Variants in RIN3 observed in about 807,000 individuals in gnomAD.
RIN3 encodes the protein Ras and Rab interactor 3, also known as RAB5 interacting protein 3.
In RIN3, 54 loss-of-function variants were observed where a neutral mutation model predicts 76.3. The observed-to-expected ratio is 0.71, with a 90% CI of 0.57 to 0.89. The LOEUF is 0.89. Among genes scored for constraint, RIN3 ranks in the 40% least tolerant of loss-of-function variants. The probability of loss-of-function intolerance (pLI) is 0.00; values close to 1 mark genes in which losing one functional copy is unlikely to be tolerated. For synonymous variants in RIN3, 576 were observed against 564.0 expected (o/e 1.02, Z -0.30); for missense variants, 1,256 against 1,322.1 (o/e 0.95, Z 0.78).
At chr14:92,616,349 C>T (rs1015038366) in intron 4 of RIN3, among the ~76,000 whole-genome samples, 1 of 152,188 alleles carries the variant, frequency 6.6e-6, no homozygotes, top group African/African-American at 2.4e-5. Context: ...ATATTAAATA[C>T]CCTCTAGAGG....
At chr14:92,658,306 C>T (rs1469809291) in intron 6 of RIN3, among the ~76,000 whole-genome samples, 2 of 152,206 alleles carry the variant, frequency 1.3e-5, no homozygotes, top group East Asian at 1.9e-4. Context: ...GACTGCGAGG[C>T]GACTGCACCA....
At chr14:92,534,681 C>T (rs754324905) in intron 1 of RIN3, among the ~76,000 whole-genome samples, 1 of 151,946 alleles carries the variant, frequency 6.6e-6, no homozygotes, top group Non-Finnish European at 1.5e-5. Flanking sequence ...AGAGGTCCTT[C>T]CCCTGAGTTT....
intron 5 of RIN3, among the ~76,000 whole-genome samples, chr14:92,646,721 G>A (rs113966966): frequency 1.0e-3 from 153 of 152,330 alleles, no homozygotes; most frequent in African/African-American, 3.2e-3. Flanking sequence ...GATTACAGGC[G>A]TGAGCCACAG....
chr14:92,634,012 A>G (rs991510405), intron 4 of RIN3, among the ~76,000 whole-genome samples: 10 of 151,638 alleles, frequency 6.6e-5, no homozygotes, highest in Non-Finnish European at 1.3e-4. Context: ...TGGGAAGTTC[A>G]CAAGCTGACC....
intron 4 of RIN3, among the ~76,000 whole-genome samples, chr14:92,634,787 G>A (rs1886716120): frequency 1.3e-5 from 2 of 149,868 alleles, no homozygotes; most frequent in African/African-American, 4.9e-5. Flanking sequence ...GAACCCAGGA[G>A]GCAGAGGTTG....
At chr14:92,515,321 C>A in intron 1 of RIN3, 1 of 690,580 alleles carries the variant, frequency 1.4e-6, no homozygotes, top group Non-Finnish European at 2.6e-6. Context: ...CAGGGTGAAG[C>A]CGGAGAGGAG....
intron 2 of RIN3, among the ~76,000 whole-genome samples, chr14:92,569,523 A>G (rs1310632489): frequency 6.6e-6 from 1 of 152,062 alleles, no homozygotes; most frequent in Non-Finnish European, 1.5e-5. Context: ...GAGGGCCCAG[A>G]AAGAAATACA....
intron 4 of RIN3, among the ~76,000 whole-genome samples, chr14:92,634,692 T>C (rs954422231): frequency 3.3e-5 from 5 of 152,158 alleles, no homozygotes; most frequent in Admixed American, 2.0e-4. Flanking sequence ...CCCCAGTCTC[T>C]ACTAAAAATA....
chr14:92,594,086 C>A (rs922683586), intron 3 of RIN3, among the ~76,000 whole-genome samples: 4 of 152,106 alleles, frequency 2.6e-5, no homozygotes, highest in Non-Finnish European at 5.9e-5. Flanking sequence ...GGAACATTCA[C>A]CAAGATAGAC....
intron 1 of RIN3, among the ~76,000 whole-genome samples, chr14:92,555,493 C>A (rs1298736995): frequency 6.6e-6 from 1 of 152,194 alleles, no homozygotes; most frequent in African/African-American, 2.4e-5. Flanking sequence ...CATCCCAACA[C>A]ACACAGGCTG....
chr14:92,624,850 G>T (rs116482307), intron 4 of RIN3, among the ~76,000 whole-genome samples: 2 of 152,280 alleles, frequency 1.3e-5, no homozygotes, highest in East Asian at 3.9e-4. Context: ...TGGAGGGGGC[G>T]GTGCTTTCTT....
intron 2 of RIN3, among the ~76,000 whole-genome samples, chr14:92,569,583 C>CA (rs955669317): frequency 1.1e-4 from 16 of 145,810 alleles, no homozygotes; most frequent in African/African-American, 4.0e-4. Context: ...GAGCTCCTGC[C>CA]TTTTTTTTTT....
intron 1 of RIN3, among the ~76,000 whole-genome samples, chr14:92,550,009 C>T (rs1897380771): frequency 1.3e-5 from 2 of 152,218 alleles, no homozygotes; most frequent in South Asian, 2.1e-4. Context: ...GTGGCCGGCT[C>T]TGCCAACAGA....
At chr14:92,630,216 C>T (rs12590196) in intron 4 of RIN3, among the ~76,000 whole-genome samples, 13,614 of 152,232 alleles carry the variant, frequency 0.089, 866 homozygotes, top group East Asian at 0.27. Context: ...ACCGACCCAG[C>T]GCAGTGGCTC....
chr14:92,625,089 T>A (rs1886307577), intron 4 of RIN3, among the ~76,000 whole-genome samples: 1 of 152,192 alleles, frequency 6.6e-6, no homozygotes, highest in Admixed American at 6.5e-5. Flanking sequence ...ACAGACCAAG[T>A]ATATAATTCC....
At chr14:92,586,896 T>A (rs1194522871) in intron 3 of RIN3, among the ~76,000 whole-genome samples, 5 of 152,106 alleles carry the variant, frequency 3.3e-5, no homozygotes, top group Non-Finnish European at 7.4e-5. Context: ...CCTTGGACGA[T>A]GGAAAATATT....
At chr14:92,589,735 G>A (rs1033688521) in intron 3 of RIN3, among the ~76,000 whole-genome samples, 1 of 152,346 alleles carries the variant, frequency 6.6e-6, no homozygotes, top group Admixed American at 6.5e-5. Context: ...AAAGTTAGTT[G>A]TCTCTCCTCC....
intron 6 of RIN3, among the ~76,000 whole-genome samples, chr14:92,653,515 C>T (rs1479553523): frequency 6.6e-6 from 1 of 152,148 alleles, no homozygotes; most frequent in African/African-American, 2.4e-5. Context: ...TGAGAGTCTC[C>T]GCAGTGAAAT....
At position 92,666,566 on chromosome 14, in the gene RIN3, G is replaced by A. The variant is rs541830410; in HGVS notation, c.2335+7097G>A. On this transcript the variant is annotated intron_variant, in intron 7 of 9. Coordinates refer to ENST00000216487, the MANE Select transcript of RIN3 (RefSeq NM_024832.5). The stretch of plus-strand genomic sequence containing the variant: ...TTGGATAAACTGGCCCTCCATCCTG[G>A]AATCAGGAGCAGACCGGGATTCTTC... Among the ~76,000 whole-genome samples the A allele has an allele frequency of 1.4e-3, 135 of 94,746 alleles. 1 individual carries two copies. Among genetic ancestry groups the A allele is most frequent in the African/African-American group, 7.7e-3 (130 of 16,830 alleles). The allele number at this position is 94,746 out of a possible 152,430, so 62.2% of individuals were successfully genotyped here.
Sources: gnomAD v4.1 joint callset for allele counts (sites outside exome capture counted in the v4.1 genomes callset) on GRCh38, gnomAD v4.1.1 for gene constraint, MANE v1.5 for transcripts, NCBI Gene and HGNC (gene_info 2026-07-23, HGNC 2026-07-21) for gene names.